Variants in PLCB1 observed in about 807,000 individuals in gnomAD.
PLCB1 encodes the protein 1-phosphatidylinositol 4,5-bisphosphate phosphodiesterase beta-1.
In PLCB1, 46 loss-of-function variants were observed where a neutral mutation model predicts 161.8. That is an observed-to-expected ratio of 0.28 (90% CI 0.22 to 0.36). The LOEUF (loss-of-function observed/expected upper bound fraction) is 0.36, where lower values mean the gene tolerates loss of function less well. Among genes scored for constraint, PLCB1 ranks in the 10% least tolerant of loss-of-function variants. The pLI, the probability that PLCB1 is intolerant of heterozygous loss-of-function variation, is 1.00. For missense variants in PLCB1, 1,016 were observed against 1,472.5 expected, an observed-to-expected ratio of 0.69 and a Z score of 5.07; for synonymous variants, 517 against 503.7, an observed-to-expected ratio of 1.03 and a Z score of -0.35.
chr20:8,387,644 C>A (rs114525455), intron 3 of PLCB1, among the ~76,000 whole-genome samples: 1 of 152,124 alleles, frequency 6.6e-6, no homozygotes, highest in African/African-American at 2.4e-5. Flanking sequence ...CTCAGGAATG[C>A]CACAAACCTT....
At chr20:8,417,069 ATATATTTT>A (rs1568667982) in intron 3 of PLCB1, among the ~76,000 whole-genome samples, 4 of 84,076 alleles carry the variant, frequency 4.8e-5, no homozygotes, top group African/African-American at 1.7e-4. Flanking sequence ...ATATATATAT[ATATATTTT>A]TTTTTTTTTT....
At chr20:8,619,878 CAA>C (rs1401145819) in intron 3 of PLCB1, among the ~76,000 whole-genome samples, 7 of 152,162 alleles carry the variant, frequency 4.6e-5, no homozygotes, top group Non-Finnish European at 1.0e-4. Context: ...CGACAAATCT[CAA>C]AGTAAGTAAA....
At position 8,884,221 on chromosome 20, in the gene PLCB1, A is replaced by G. The variant is rs1988095290; in HGVS notation, c.*2372A>G. On this transcript the variant is annotated 3_prime_UTR_variant, in exon 32 of 32. Transcript: ENST00000338037. ...TAACACTGTCCATCTTGCATCATTGAAACTACTACAATGATACTATCATTT... is the reference window on the plus strand; with the variant it reads ...TAACACTGTCCATCTTGCATCATTGGAACTACTACAATGATACTATCATTT... The G allele has an allele frequency of 6.6e-6, 1 of 152,638 alleles. No individual in the cohort carries two copies. Among genetic ancestry groups the G allele is most frequent in the South Asian group, 2.1e-4 (1 of 4,830 alleles). The allele number at this position is 152,638 out of a possible 1,614,324, so 9.5% of individuals were successfully genotyped here. A position where few individuals can be genotyped will look rare whatever the true frequency, so the allele number is the denominator to read the frequency against.
intron 2 of PLCB1, among the ~76,000 whole-genome samples, chr20:8,254,602 G>T (rs1406355169): frequency 6.6e-6 from 1 of 151,994 alleles, no homozygotes; most frequent in Non-Finnish European, 1.5e-5. Context: ...AAAGGCTTAT[G>T]TAATATACAG....
chr20:8,586,356 G>T (rs1296120047), intron 3 of PLCB1, among the ~76,000 whole-genome samples: 6 of 147,330 alleles, frequency 4.1e-5, no homozygotes, highest in African/African-American at 9.9e-5. Flanking sequence ...ATTTATTATG[G>T]TTTTTTTTTT....
chr20:8,142,441 C>T (rs560269842), intron 1 of PLCB1, among the ~76,000 whole-genome samples: 1 of 152,322 alleles, frequency 6.6e-6, no homozygotes, highest in South Asian at 2.1e-4. Context: ...ATGCAGAGCT[C>T]ACTGCTGTTA....
chr20:8,382,058 G>C (rs1246579894), intron 3 of PLCB1, among the ~76,000 whole-genome samples: 2 of 151,936 alleles, frequency 1.3e-5, no homozygotes, highest in Non-Finnish European at 2.9e-5. Flanking sequence ...GTATCAGTTT[G>C]AGATCTTTCT....
chr20:8,774,794 A>C lies in PLCB1; in HGVS notation c.3111+75A>C. 4 of 1,288,038 alleles carry C rather than the reference A, an allele frequency of 3.1e-6. No individual in the cohort carries two copies. In the Admixed American group the frequency reaches 8.2e-5, roughly 26 times the overall value. The allele number at this position is 1,288,038 out of a possible 1,614,324, so 79.8% of individuals were successfully genotyped here. A position where few individuals can be genotyped will look rare whatever the true frequency, so the allele number is the denominator to read the frequency against. The stretch of plus-strand genomic sequence containing the variant: ...AGGAAACTTTGGATACTTTTGGATA[A>C]CTAAAAGGAGACAAGGGTGGGTGTG... On this transcript the variant is annotated intron_variant, in intron 27 of 31. Transcript: ENST00000338037.
At chr20:8,261,858 A>G (rs1036693320) in intron 2 of PLCB1, among the ~76,000 whole-genome samples, 1 of 152,172 alleles carries the variant, frequency 6.6e-6, no homozygotes, top group African/African-American at 2.4e-5. Context: ...TCTCATTGAA[A>G]TAAAGTCCAT....
intron 2 of PLCB1, chr20:8,249,507 A>C (rs1052872138): frequency 6.6e-6 from 1 of 151,992 alleles, no homozygotes; most frequent in East Asian, 1.9e-4. Flanking sequence ...CTGAAGCTAC[A>C]TGAGAACTGG....
At chr20:8,221,278 TC>T (rs1979395038) in intron 2 of PLCB1, among the ~76,000 whole-genome samples, 1 of 152,130 alleles carries the variant, frequency 6.6e-6, no homozygotes, top group Admixed American at 6.6e-5. Flanking sequence ...CTCGATCACC[TC>T]TTTGTCAGAG....
intron 3 of PLCB1, among the ~76,000 whole-genome samples, chr20:8,562,295 G>A (rs1022555374): frequency 6.6e-5 from 10 of 152,058 alleles, no homozygotes; most frequent in Admixed American, 6.6e-4. Context: ...TACTTGGGCT[G>A]AGATGCAGTC....
intron 3 of PLCB1, among the ~76,000 whole-genome samples, chr20:8,548,749 G>C (rs948352144): frequency 8.0e-6 from 1 of 124,634 alleles, no homozygotes; most frequent in Non-Finnish European, 1.8e-5. Context: ...GGTTGTATTT[G>C]GTATTACTTA....
intron 2 of PLCB1, among the ~76,000 whole-genome samples, chr20:8,302,851 A>T (rs1983970231): frequency 6.6e-6 from 1 of 152,212 alleles, no homozygotes; most frequent in Non-Finnish European, 1.5e-5. Context: ...CTTCTTTATT[A>T]AATATTATAT....
intron 31 of PLCB1, among the ~76,000 whole-genome samples, chr20:8,819,898 C>T (rs949358727): frequency 6.6e-6 from 1 of 151,852 alleles, no homozygotes; most frequent in African/African-American, 2.4e-5. Context: ...TATTCCTAAA[C>T]ACTTCCTCAG....
At chr20:8,796,662 C>CT (rs1555791289) in intron 31 of PLCB1, among the ~76,000 whole-genome samples, 10 of 152,094 alleles carry the variant, frequency 6.6e-5, no homozygotes, top group African/African-American at 2.4e-5. Flanking sequence ...AAAGAATTGC[C>CT]TTTTTAGGAA....
intron 11 of PLCB1, among the ~76,000 whole-genome samples, chr20:8,706,780 C>T (rs1216716709): frequency 6.6e-6 from 1 of 152,140 alleles, no homozygotes; most frequent in Non-Finnish European, 1.5e-5. Flanking sequence ...TAAGGTAAGT[C>T]AGTTAATATC....
intron 3 of PLCB1, among the ~76,000 whole-genome samples, chr20:8,567,543 A>G (rs1986376442): frequency 6.6e-6 from 1 of 152,120 alleles, no homozygotes; most frequent in African/African-American, 2.4e-5. Flanking sequence ...TCCCTCCAAA[A>G]TTCCAATTAT....
chr20:8,531,014 G>A (rs1352928799), intron 3 of PLCB1, among the ~76,000 whole-genome samples: 3 of 151,968 alleles, frequency 2.0e-5, no homozygotes, highest in African/African-American at 7.2e-5. Flanking sequence ...TTAGGTGACA[G>A]TAATGAAAAT....
Sources: allele counts gnomAD v4.1 joint callset (sites outside exome capture counted in the v4.1 genomes callset), GRCh38; gene constraint gnomAD v4.1.1; transcripts MANE v1.5; gene names NCBI Gene and HGNC (gene_info 2026-07-23, HGNC 2026-07-21).